GRID2: variants seen among roughly 807,000 people sequenced by gnomAD.
GRID2 encodes glutamate ionotropic receptor delta type subunit 2, also known as glutamate receptor ionotropic, delta-2.
A neutral mutation model predicts 114.8 loss-of-function variants in GRID2; 33 were observed. That is an observed-to-expected ratio of 0.29 (90% CI 0.22 to 0.38). The LOEUF (loss-of-function observed/expected upper bound fraction) is 0.38, where lower values mean the gene tolerates loss of function less well. Among genes scored for constraint, GRID2 ranks in the 10% least tolerant of loss-of-function variants. GRID2 has a pLI of 1.00. For synonymous variants in GRID2, 505 were observed against 449.9 expected (o/e 1.12, Z -1.55); for missense variants, 1,184 against 1,257.7 (o/e 0.94, Z 0.89).
chr4:92,820,406 A>G (rs947904517), intron 2 of GRID2, among the ~76,000 whole-genome samples: 5 of 152,168 alleles, frequency 3.3e-5, no homozygotes, highest in Admixed American at 2.6e-4. Context: ...AACAGTTAAG[A>G]TAGCAGAAAC....
intron 2 of GRID2, among the ~76,000 whole-genome samples, chr4:92,669,584 G>C (rs1479333): frequency 0.41 from 61,465 of 151,668 alleles, 13,165 homozygotes; most frequent in African/African-American, 0.55. Context: ...GGACCATAAA[G>C]CAAATGAAAC....
chr4:93,299,427 CG>C (rs59896790), intron 8 of GRID2, among the ~76,000 whole-genome samples: 8,254 of 149,818 alleles, frequency 0.055, 733 homozygotes, highest in African/African-American at 0.19. Flanking sequence ...CTGTTTGAAA[CG>C]GGGAAAAAAA....
chr4:93,430,177 T>A (rs2149378744), intron 10 of GRID2, among the ~76,000 whole-genome samples: 1 of 152,176 alleles, frequency 6.6e-6, no homozygotes, highest in Admixed American at 6.5e-5. Flanking sequence ...TATTTTATTT[T>A]ATTATTTTAT....
chr4:92,592,077 A>G (rs578077340), intron 2 of GRID2, among the ~76,000 whole-genome samples: 6 of 152,038 alleles, frequency 3.9e-5, no homozygotes, highest in Non-Finnish European at 8.8e-5. Flanking sequence ...AAGGATCTGG[A>G]AAATCATAAC....
At chr4:93,240,711 GT>G (rs1747400214) in intron 8 of GRID2, among the ~76,000 whole-genome samples, 1 of 149,904 alleles carries the variant, frequency 6.7e-6, no homozygotes, top group African/African-American at 2.4e-5. Context: ...TGTTCCAAGG[GT>G]TTTACAGTTC....
chr4:92,525,621 C>T (rs1192974593), intron 1 of GRID2, among the ~76,000 whole-genome samples: 1 of 152,054 alleles, frequency 6.6e-6, no homozygotes, highest in Non-Finnish European at 1.5e-5. Context: ...AAGAAGCCTC[C>T]CTCTACCTCC....
intron 1 of GRID2, among the ~76,000 whole-genome samples, chr4:92,351,553 A>G (rs1728070418): frequency 1.3e-5 from 2 of 151,746 alleles, no homozygotes; most frequent in South Asian, 4.1e-4. Flanking sequence ...TATATAATAA[A>G]TTATTCTTAA....
chr4:93,650,607 T>C (rs952477049), intron 14 of GRID2, among the ~76,000 whole-genome samples: 4 of 152,154 alleles, frequency 2.6e-5, no homozygotes, highest in African/African-American at 9.6e-5. Context: ...GCTTGTATAG[T>C]GGTGTGTGAA....
chr4:93,668,540 A>G (rs1355194174), intron 14 of GRID2, among the ~76,000 whole-genome samples: 3 of 152,076 alleles, frequency 2.0e-5, no homozygotes, highest in Non-Finnish European at 4.4e-5. Context: ...TGTATATGCT[A>G]GGGATTCAGA....
chr4:93,549,789 A>C (rs1406397804), intron 13 of GRID2, among the ~76,000 whole-genome samples: 1 of 152,208 alleles, frequency 6.6e-6, no homozygotes, highest in Admixed American at 6.5e-5. Context: ...GCCTATGTTG[A>C]AACTACAGCA....
At chr4:93,442,463 T>G (rs1428952714) in intron 10 of GRID2, among the ~76,000 whole-genome samples, 1 of 152,064 alleles carries the variant, frequency 6.6e-6, no homozygotes. Flanking sequence ...AATTTATAAC[T>G]GGTAACTTTT....
At chr4:92,625,371 GA>G (rs1226796517) in intron 2 of GRID2, among the ~76,000 whole-genome samples, 3 of 151,750 alleles carry the variant, frequency 2.0e-5, no homozygotes, top group Non-Finnish European at 4.4e-5. Context: ...TACACTTGAG[GA>G]AAATGAGGTC....
intron 13 of GRID2, among the ~76,000 whole-genome samples, chr4:93,565,191 T>G (rs903328005): frequency 6.6e-6 from 1 of 151,982 alleles, no homozygotes; most frequent in African/African-American, 2.4e-5. Flanking sequence ...AAGAAGTGAG[T>G]CATTCATTTT....
intron 13 of GRID2, among the ~76,000 whole-genome samples, chr4:93,543,703 T>TGAGAGAGAGAGAGAGAGA (rs1169133756): frequency 2.5e-5 from 2 of 80,748 alleles, no homozygotes; most frequent in African/African-American, 1.2e-4. Context: ...TGAGAGTGAG[T>TGAGAGAGAGAGAGAGAGA]GAGAGATAGA....
At chr4:92,598,178 G>A (rs918164596) in intron 2 of GRID2, among the ~76,000 whole-genome samples, 1 of 152,104 alleles carries the variant, frequency 6.6e-6, no homozygotes, top group Non-Finnish European at 1.5e-5. Flanking sequence ...CAATAAGCCA[G>A]TGTGCAATAG....
At chr4:92,936,011 T>A (rs919950275) in intron 2 of GRID2, among the ~76,000 whole-genome samples, 1 of 146,252 alleles carries the variant, frequency 6.8e-6, no homozygotes, top group Non-Finnish European at 1.5e-5. Flanking sequence ...ATTGTGCACA[T>A]GTACCCTAAA....
intron 12 of GRID2, among the ~76,000 whole-genome samples, chr4:93,508,174 G>C (rs1050492615): frequency 6.7e-6 from 1 of 149,586 alleles, no homozygotes; most frequent in Non-Finnish European, 1.5e-5. Flanking sequence ...AAATAAAAAA[G>C]TTTTAGATTT....
At chr4:93,021,179 T>G (rs1578771552) in intron 2 of GRID2, among the ~76,000 whole-genome samples, 1 of 151,992 alleles carries the variant, frequency 6.6e-6, no homozygotes, top group East Asian at 1.9e-4. Flanking sequence ...TATAAATGCC[T>G]GAAAAAATAA....
At chr4:93,540,993 A>T (rs1161838911) in intron 13 of GRID2, among the ~76,000 whole-genome samples, 2 of 152,128 alleles carry the variant, frequency 1.3e-5, no homozygotes, top group Non-Finnish European at 2.9e-5. Flanking sequence ...ATATTGAGAG[A>T]CTATAAATAT....
Sources: allele counts gnomAD v4.1 joint callset (sites outside exome capture counted in the v4.1 genomes callset), GRCh38; gene constraint gnomAD v4.1.1; transcripts MANE v1.5; gene names NCBI Gene and HGNC (gene_info 2026-07-23, HGNC 2026-07-21).